DGKG: variants seen among roughly 807,000 people sequenced by gnomAD.
DGKG encodes the protein DAG kinase gamma.
DGKG carries 78 observed loss-of-function variants against 105.3 expected under a neutral mutation model. The ratio of observed to expected loss-of-function variants is 0.74; its 90% confidence interval spans 0.62 to 0.89. The LOEUF is 0.89. Among genes scored for constraint, DGKG ranks in the 40% least tolerant of loss-of-function variants. The pLI, the probability that DGKG is intolerant of heterozygous loss-of-function variation, is 0.00. For synonymous variants in DGKG, 346 were observed against 367.1 expected (o/e 0.94, Z 0.66); for missense variants, 958 against 1,020.1 (o/e 0.94, Z 0.83).
At chr3:186,265,387 G>A in intron 13 of DGKG, 81 bp from the exon 14 acceptor site, 2 of 1,286,634 alleles carry the variant, frequency 1.6e-6, no homozygotes, top group Non-Finnish European at 2.2e-6. Flanking sequence ...AAAACAAACG[G>A]CTGATATAAA....
chr3:186,274,310 C>T (rs189030606), intron 10 of DGKG, among the ~76,000 whole-genome samples: 219 of 152,244 alleles, frequency 1.4e-3, no homozygotes, highest in Non-Finnish European at 2.6e-3. Context: ...ACCTCAGCCT[C>T]CTGAGTAGCT....
chr3:186,298,355 G>A (rs1320497100), intron 3 of DGKG, 126 bp from the exon 4 acceptor site: 3 of 851,286 alleles, frequency 3.5e-6, no homozygotes, highest in Non-Finnish European at 5.3e-6. Context: ...GGACATGGAG[G>A]AGCTGATGGG....
chr3:186,217,194 TA>T (rs1300220371), intron 20 of DGKG, among the ~76,000 whole-genome samples: 1 of 152,144 alleles, frequency 6.6e-6, no homozygotes. Context: ...TTGAAGAAAA[TA>T]AAACTAACGA....
chr3:186,270,870 C>A lies in DGKG; in HGVS notation c.999+1385G>T, dbSNP rs561079862. Among the ~76,000 whole-genome samples the A allele has an allele frequency of 7.0e-4, 106 of 152,352 alleles. 1 individual carries two copies. Among genetic ancestry groups the A allele is most frequent in the African/African-American group, 2.3e-3 (96 of 41,590 alleles). On this transcript the variant is annotated intron_variant, in intron 11 of 24. Transcript: ENST00000265022. ...CTGAGAAGTTTGTGAGTGTGCCCTGCTGGCCCCTCATTGGCCTCACTCTGT... is the reference window on the plus strand; with the variant it reads ...CTGAGAAGTTTGTGAGTGTGCCCTGATGGCCCCTCATTGGCCTCACTCTGT...
chr3:186,154,540 G>T (rs777590237), intron 24 of DGKG, among the ~76,000 whole-genome samples: 5 of 151,392 alleles, frequency 3.3e-5, no homozygotes, highest in Non-Finnish European at 2.9e-5. Flanking sequence ...AGCTACTTGG[G>T]AGGCCAAGGC....
At chr3:186,193,051 G>A (rs191223770) in intron 21 of DGKG, among the ~76,000 whole-genome samples, 2 of 152,274 alleles carry the variant, frequency 1.3e-5, no homozygotes, top group East Asian at 3.9e-4. Flanking sequence ...TCCTCACTCT[G>A]CTTTCTAGGT....
chr3:186,319,830 A>G (rs1244095838), intron 2 of DGKG, among the ~76,000 whole-genome samples: 1 of 152,254 alleles, frequency 6.6e-6, no homozygotes, highest in African/African-American at 2.4e-5. Flanking sequence ...AAGAGCCCCA[A>G]GTAAAAGCCC....
intron 19 of DGKG, among the ~76,000 whole-genome samples, chr3:186,249,485 A>G (rs968525507): frequency 6.6e-6 from 1 of 152,166 alleles, no homozygotes. Flanking sequence ...CTGTAAATAT[A>G]AGGTATTATT....
chr3:186,298,191 C>A lies in DGKG; in HGVS notation c.183G>T (p.Ala61=). 6.2e-7 allele frequency: 1 copy of A among 1,612,858 alleles called. No individual in the cohort carries two copies. The change falls in exon 4 of 25, where the codon GCG becomes GCT. Residue 61 remains alanine, a synonymous_variant. Transcript: ENST00000265022. ...SYDVFKLFMR[A]YLEVDLPQPL... is the part of the protein sequence containing the mutation. ...GCTGGGGAAGGTCCACCTCCAGGTA[C>A]GCCCTCATGAACAGCTTGAAGACAT...
intron 20 of DGKG, among the ~76,000 whole-genome samples, chr3:186,212,552 A>C (rs953915539): frequency 2.0e-5 from 3 of 152,114 alleles, no homozygotes; most frequent in Non-Finnish European, 2.9e-5. Flanking sequence ...GACTTGTCAT[A>C]TTTGCTTCAA....
At chr3:186,342,316 A>G (rs936220561) in intron 1 of DGKG, among the ~76,000 whole-genome samples, 1 of 152,204 alleles carries the variant, frequency 6.6e-6, no homozygotes, top group Admixed American at 6.5e-5. Flanking sequence ...TGAGTTCATT[A>G]TGAGCATTTT....
chr3:186,301,544 A>G (rs1010961974), intron 3 of DGKG, among the ~76,000 whole-genome samples: 1 of 152,024 alleles, frequency 6.6e-6, no homozygotes, highest in Non-Finnish European at 1.5e-5. Flanking sequence ...GGAGAATGGC[A>G]TGAACCCGGG....
rs1722959177 is a variant in DGKG, at chr3:186,284,290, C to T, written c.594+370G>A. ...AACCAGCAGCCTCCTTCCTCGTGCC[C>T]TTTTCCCTTGGTCTTGTTGCCTCCC... On this transcript the variant is annotated intron_variant, in intron 7 of 24. Coordinates refer to ENST00000265022, the MANE Select transcript of DGKG (RefSeq NM_001346.3). The surrounding 1 kb of genome is among the most constrained non-coding windows in gnomAD (Gnocchi z 4.0). Among the ~76,000 whole-genome samples, 2 of 152,136 alleles carry T rather than the reference C, an allele frequency of 1.3e-5. No individual in the cohort carries two copies. Among genetic ancestry groups the T allele is most frequent in the Admixed American group, 1.3e-4 (2 of 15,276 alleles).
At chr3:186,198,876 A>G (rs1349808841) in intron 21 of DGKG, among the ~76,000 whole-genome samples, 2 of 152,266 alleles carry the variant, frequency 1.3e-5, no homozygotes, top group Non-Finnish European at 2.9e-5. Flanking sequence ...TCTAGTGTCA[A>G]TAACCTGATG....
chr3:186,284,474 G>A lies in DGKG; in HGVS notation c.594+186C>T, dbSNP rs894400568. 2.0e-5 allele frequency among the ~76,000 whole-genome samples: 3 copies of A among 152,156 alleles called. No individual in the cohort carries two copies. The highest frequency in any genetic ancestry group is 1.9e-4 in the East Asian group (1 of 5,194). Reference sequence around the variant, plus strand: ...AGCGAAAAGGTAAGTTGGCATTCACGCTCTGCAAGGCCGGCCCTTTGGAAA... The same window carrying A: ...AGCGAAAAGGTAAGTTGGCATTCACACTCTGCAAGGCCGGCCCTTTGGAAA... On this transcript the variant is annotated intron_variant, in intron 7 of 24. Transcript: ENST00000265022. The surrounding 1 kb of genome is among the most constrained non-coding windows in gnomAD (Gnocchi z 4.0).
At chr3:186,151,567 T>C (rs902281479) in intron 24 of DGKG, among the ~76,000 whole-genome samples, 16 of 152,098 alleles carry the variant, frequency 1.1e-4, no homozygotes, top group Admixed American at 9.8e-4. Context: ...GGGCAAACTA[T>C]GAGAAATGTG....
At chr3:186,219,088 A>C (rs773930285) in intron 20 of DGKG, among the ~76,000 whole-genome samples, 28 of 151,050 alleles carry the variant, frequency 1.9e-4, no homozygotes, top group Non-Finnish European at 2.7e-4. Context: ...ATTTTACATT[A>C]CTTGAATCTC....
chr3:186,315,552 G>C (rs1251702158), intron 2 of DGKG, among the ~76,000 whole-genome samples: 1 of 152,098 alleles, frequency 6.6e-6, no homozygotes, highest in Non-Finnish European at 1.5e-5. Flanking sequence ...GGTCTATCAG[G>C]GTAGGCTAGA....
At chr3:186,157,074 A>C (rs1716070346) in intron 24 of DGKG, among the ~76,000 whole-genome samples, 1 of 151,954 alleles carries the variant, frequency 6.6e-6, no homozygotes, top group Non-Finnish European at 1.5e-5. Flanking sequence ...TGTCTTGTTC[A>C]TGATTTTAGT....
Sources: allele counts gnomAD v4.1 joint callset (sites outside exome capture counted in the v4.1 genomes callset), GRCh38; gene constraint gnomAD v4.1.1; non-coding constraint Gnocchi (gnomAD v3.1); transcripts MANE v1.5; gene names NCBI Gene and HGNC (gene_info 2026-07-23, HGNC 2026-07-21).